UBE2E2: variants seen among roughly 807,000 people sequenced by gnomAD.
UBE2E2 encodes the protein ubiquitin conjugating enzyme E2 E2.
A neutral mutation model predicts 24.7 loss-of-function variants in UBE2E2; 6 were observed. That is an observed-to-expected ratio of 0.24 (90% CI 0.13 to 0.48). The LOEUF is 0.48. Ranked by LOEUF, UBE2E2 falls within the 20% of genes least tolerant of loss-of-function variation. The pLI, the probability that UBE2E2 is intolerant of heterozygous loss-of-function variation, is 0.99. For missense variants in UBE2E2, 169 were observed against 245.0 expected, an observed-to-expected ratio of 0.69 and a Z score of 2.07; for synonymous variants, 104 against 83.6, an observed-to-expected ratio of 1.24 and a Z score of -1.33.
intron 3 of UBE2E2, among the ~76,000 whole-genome samples, chr3:23,310,056 A>G (rs1694328941): frequency 6.6e-6 from 1 of 152,204 alleles, no homozygotes; most frequent in African/African-American, 2.4e-5. Flanking sequence ...AGACGGGCCC[A>G]TGTTCAACAG....
chr3:23,248,953 T>G (rs1375908784), intron 3 of UBE2E2, among the ~76,000 whole-genome samples: 3 of 152,204 alleles, frequency 2.0e-5, no homozygotes, highest in Non-Finnish European at 2.9e-5. Context: ...GAGTATGCAA[T>G]TTTTGCCTTT....
At chr3:23,549,758 C>T (rs1207237542) in intron 5 of UBE2E2, among the ~76,000 whole-genome samples, 2 of 152,052 alleles carry the variant, frequency 1.3e-5, no homozygotes, top group African/African-American at 4.8e-5. Flanking sequence ...TTCAACCGGG[C>T]GCGGTGGCTC....
intron 3 of UBE2E2, among the ~76,000 whole-genome samples, chr3:23,380,984 T>C (rs1696655688): frequency 6.6e-6 from 1 of 152,236 alleles, no homozygotes; most frequent in African/African-American, 2.4e-5. Context: ...AGTAGTCTTG[T>C]TCTGTGCCTC....
intron 3 of UBE2E2, among the ~76,000 whole-genome samples, chr3:23,307,365 T>G (rs1699265508): frequency 6.6e-6 from 1 of 152,182 alleles, no homozygotes; most frequent in Non-Finnish European, 1.5e-5. Context: ...CCAGGTTACT[T>G]GAATCTCCTA....
intron 2 of UBE2E2, among the ~76,000 whole-genome samples, chr3:23,213,261 A>G (rs959336220): frequency 3.3e-5 from 5 of 152,230 alleles, no homozygotes; most frequent in East Asian, 1.9e-4. Context: ...ATGTTAGTAC[A>G]TATACACTGC....
chr3:23,560,615 A>G (rs1268314614), intron 5 of UBE2E2, among the ~76,000 whole-genome samples: 4 of 152,004 alleles, frequency 2.6e-5, no homozygotes, highest in Non-Finnish European at 5.9e-5. Context: ...TGGTATTTCT[A>G]GTTCTAGATC....
At chr3:23,231,338 T>C (rs1455541221) in intron 3 of UBE2E2, among the ~76,000 whole-genome samples, 3 of 152,198 alleles carry the variant, frequency 2.0e-5, no homozygotes, top group Non-Finnish European at 4.4e-5. Context: ...TTTATTTCCT[T>C]CTTTCCTCAA....
chr3:23,326,604 A>T (rs1022527001), intron 3 of UBE2E2, among the ~76,000 whole-genome samples: 1 of 152,204 alleles, frequency 6.6e-6, no homozygotes, highest in Non-Finnish European at 1.5e-5. Flanking sequence ...AAAAAAAAGT[A>T]TGAGGTTGTA....
At chr3:23,299,615 G>A (rs1261745717) in intron 3 of UBE2E2, among the ~76,000 whole-genome samples, 1 of 152,156 alleles carries the variant, frequency 6.6e-6, no homozygotes, top group African/African-American at 2.4e-5. Flanking sequence ...TCTTAATCCT[G>A]AGTTCTAGTT....
At chr3:23,483,927 AGCG>A (rs1253360314) in intron 3 of UBE2E2, among the ~76,000 whole-genome samples, 1 of 152,196 alleles carries the variant, frequency 6.6e-6, no homozygotes, top group Non-Finnish European at 1.5e-5. Context: ...ACACAAACAC[AGCG>A]GAGTTTGTCT....
At chr3:23,503,027 A>T (rs1263224331) in intron 4 of UBE2E2, among the ~76,000 whole-genome samples, 1 of 152,198 alleles carries the variant, frequency 6.6e-6, no homozygotes, top group Non-Finnish European at 1.5e-5. Context: ...GCCAAAAAGA[A>T]AAGTGTAATG....
intron 3 of UBE2E2, among the ~76,000 whole-genome samples, chr3:23,485,895 A>C (rs1476387097): frequency 2.0e-5 from 3 of 152,238 alleles, no homozygotes; most frequent in Admixed American, 2.0e-4. Flanking sequence ...TTTCCATGGT[A>C]TAAGTGCAGA....
intron 2 of UBE2E2, among the ~76,000 whole-genome samples, chr3:23,210,714 T>G (rs1696299783): frequency 6.6e-6 from 1 of 152,082 alleles, no homozygotes; most frequent in African/African-American, 2.4e-5. Context: ...AAATAGAAAG[T>G]GGTTGTATTG....
At chr3:23,285,615 C>T (rs1290466276) in intron 3 of UBE2E2, among the ~76,000 whole-genome samples, 2 of 152,140 alleles carry the variant, frequency 1.3e-5, no homozygotes, top group Non-Finnish European at 2.9e-5. Context: ...TTGAATTTTG[C>T]TGATATTCAG....
At chr3:23,321,244 G>C (rs1203086073) in intron 3 of UBE2E2, among the ~76,000 whole-genome samples, 1 of 152,206 alleles carries the variant, frequency 6.6e-6, no homozygotes, top group Non-Finnish European at 1.5e-5. Context: ...TTTGGGAAGG[G>C]GATTAGGACT....
chr3:23,262,959 T>C (rs12629848), intron 3 of UBE2E2, among the ~76,000 whole-genome samples: 47,382 of 152,094 alleles, frequency 0.31, 8,873 homozygotes, highest in Admixed American at 0.51. Flanking sequence ...CAAAAAGCTC[T>C]TCTGGAATTT....
At chr3:23,438,354 C>G (rs1036900407) in intron 3 of UBE2E2, among the ~76,000 whole-genome samples, 5 of 152,150 alleles carry the variant, frequency 3.3e-5, no homozygotes, top group African/African-American at 1.2e-4. Flanking sequence ...ACCAGAACAT[C>G]AGCTTTATTC....
At chr3:23,420,364 T>C (rs1697766815) in intron 3 of UBE2E2, among the ~76,000 whole-genome samples, 1 of 152,212 alleles carries the variant, frequency 6.6e-6, no homozygotes, top group Non-Finnish European at 1.5e-5. Flanking sequence ...TCAGAAAGTC[T>C]AAAAGAAGTT....
intron 5 of UBE2E2, among the ~76,000 whole-genome samples, chr3:23,568,711 G>A (rs1370306052): frequency 8.6e-4 from 115 of 134,284 alleles, no homozygotes; most frequent in South Asian, 2.4e-3. Flanking sequence ...ATATATACAT[G>A]TATATACACA....
Sources: gnomAD v4.1 joint callset for allele counts (sites outside exome capture counted in the v4.1 genomes callset) on GRCh38, gnomAD v4.1.1 for gene constraint, MANE v1.5 for transcripts, NCBI Gene and HGNC (gene_info 2026-07-23, HGNC 2026-07-21) for gene names.